The following DYNLL1 variants were observed in gnomAD, a reference collection of about 807,000 sequenced individuals.
DYNLL1 encodes the protein dynein light chain 1, cytoplasmic.
DYNLL1 carries 3 observed loss-of-function variants against 10.1 expected under a neutral mutation model. The ratio of observed to expected loss-of-function variants is 0.30; its 90% CI spans 0.14 to 0.77. The LOEUF (loss-of-function observed/expected upper bound fraction) is 0.77. Among genes scored for constraint, DYNLL1 ranks in the 30% least tolerant of loss-of-function variants. DYNLL1 has a pLI of 0.66. For missense variants in DYNLL1, 47 were observed against 111.7 expected (o/e 0.42, Z 2.61); for synonymous variants, 46 against 41.2 (o/e 1.12, Z -0.45).
intron 1 of DYNLL1, among the ~76,000 whole-genome samples, chr12:120,482,574 G>C (rs983937804): frequency 6.6e-6 from 1 of 151,480 alleles, no homozygotes; most frequent in Non-Finnish European, 1.5e-5. Flanking sequence ...CGCCTGCCTC[G>C]GCCTCCCAAA....
At chr12:120,497,996 A>G (rs1767990610) in intron 2 of DYNLL1, 77 bp from the exon 3 acceptor site, 5 of 1,439,392 alleles carry the variant, frequency 3.5e-6, no homozygotes, top group East Asian at 2.4e-5. Context: ...CTGCCCCTAC[A>G]GGCTCTGGCT....
intron 1 of DYNLL1, among the ~76,000 whole-genome samples, chr12:120,483,215 G>A (rs987600466): frequency 6.6e-6 from 1 of 151,902 alleles, no homozygotes; most frequent in African/African-American, 2.4e-5. Flanking sequence ...GTGCACACCT[G>A]TAACCCCAGC....
chr12:120,474,642 A>G (rs1001003708), intron 1 of DYNLL1, among the ~76,000 whole-genome samples: 2 of 152,216 alleles, frequency 1.3e-5, no homozygotes, highest in Admixed American at 6.5e-5. Context: ...AAACCTGCCC[A>G]TCTGGTTTTC....
chr12:120,495,332 C>CGG (rs1481212434), upstream of DYNLL1: 1 of 152,142 alleles, frequency 6.6e-6, no homozygotes, highest in African/African-American at 2.4e-5. Context: ...ACAAAAACCC[C>CGG]GGGGCTCAAC....
Position 120,496,737 on chromosome 12 carries a change from C to T in DYNLL1, c.132+184C>T, listed in dbSNP as rs1020882430. The T allele has an allele frequency of 5.0e-6, 4 of 801,038 alleles. No individual in the cohort carries two copies. The South Asian group carries it at 5.9e-5, about 12-fold the overall frequency. The allele number at this position is 801,038 out of a possible 1,614,324, so 49.6% of individuals were successfully genotyped here. A position where few individuals can be genotyped will look rare whatever the true frequency, so the allele number is the denominator to read the frequency against. On this transcript the variant is annotated intron_variant, in intron 2 of 2. Transcript: ENST00000242577. ...TGGAGAAGACCAGACCCCCGGCGTC[C>T]GAAGTTTTTTTTTTTTTTTTTTTAA...
intron 1 of DYNLL1, among the ~76,000 whole-genome samples, chr12:120,481,585 T>G (rs1878879838): frequency 6.6e-6 from 1 of 152,244 alleles, no homozygotes. Flanking sequence ...GGGCAAGGCA[T>G]GGGGCGGGGC....
intron 1 of DYNLL1, among the ~76,000 whole-genome samples, chr12:120,487,603 A>G (rs889522748): frequency 5.9e-5 from 9 of 152,138 alleles, no homozygotes; most frequent in Non-Finnish European, 1.3e-4. Context: ...CGGAAGAAAG[A>G]CAGCACTTGA....
chr12:120,479,449 C>CAAAAAAAAAAAAAAAAAAAAAAA (rs71076617), intron 1 of DYNLL1, among the ~76,000 whole-genome samples: 1 of 76,114 alleles, frequency 1.3e-5, no homozygotes, highest in Non-Finnish European at 2.6e-5. Context: ...ACTCCGTCTC[C>CAAAAAAAAAAAAAAAAAAAAAAA]AAAAAAAAAA....
intron 1 of DYNLL1, among the ~76,000 whole-genome samples, chr12:120,485,242 T>C (rs1219417722): frequency 1.4e-5 from 2 of 146,166 alleles, no homozygotes; most frequent in Non-Finnish European, 3.0e-5. Context: ...ATAGTTATGT[T>C]GTAGAAGGCT....
chr12:120,487,744 T>C (rs1186936574), intron 1 of DYNLL1, among the ~76,000 whole-genome samples: 1 of 152,126 alleles, frequency 6.6e-6, no homozygotes, highest in Non-Finnish European at 1.5e-5. Context: ...CAGATGTCCG[T>C]TATCTAGGTT....
At chr12:120,471,518 G>A (rs551883543) in intron 1 of DYNLL1, among the ~76,000 whole-genome samples, 7 of 152,142 alleles carry the variant, frequency 4.6e-5, no homozygotes, top group Non-Finnish European at 8.8e-5. Context: ...ATACTACTGA[G>A]TGTATATCTT....
intron 1 of DYNLL1, among the ~76,000 whole-genome samples, chr12:120,473,833 A>G (rs1458149278): frequency 6.6e-6 from 1 of 152,000 alleles, no homozygotes; most frequent in Admixed American, 6.6e-5. Flanking sequence ...TACAGGCATT[A>G]GCCACGGCAC....
intron 1 of DYNLL1, among the ~76,000 whole-genome samples, chr12:120,480,077 G>C (rs957369527): frequency 1.3e-5 from 2 of 152,148 alleles, no homozygotes; most frequent in Non-Finnish European, 2.9e-5. Context: ...TTGTTTGGAA[G>C]ACAGAAGGAC....
intron 1 of DYNLL1, among the ~76,000 whole-genome samples, chr12:120,481,005 C>T (rs891942541): frequency 2.6e-5 from 4 of 152,088 alleles, no homozygotes; most frequent in East Asian, 3.9e-4. Flanking sequence ...GTGATCTGCC[C>T]ACCTTGGCCT....
At chr12:120,478,215 C>G (rs907811110) in intron 1 of DYNLL1, among the ~76,000 whole-genome samples, 9 of 151,892 alleles carry the variant, frequency 5.9e-5, no homozygotes, top group Non-Finnish European at 1.0e-4. Flanking sequence ...TCAAGTGATT[C>G]TCCTGCCTCG....
upstream of DYNLL1, chr12:120,495,258 C>T (rs1275643990): frequency 6.6e-6 from 1 of 151,964 alleles, no homozygotes; most frequent in African/African-American, 2.4e-5. Context: ...AGAGATAAAT[C>T]CCAACCAAGA....
At chr12:120,472,939 G>C (rs1036758351) in intron 1 of DYNLL1, among the ~76,000 whole-genome samples, 9 of 152,094 alleles carry the variant, frequency 5.9e-5, no homozygotes, top group African/African-American at 2.2e-4. Context: ...GGGTTCATAG[G>C]TTCCATTCTC....
At chr12:120,488,712 G>A (rs1044910689) in intron 1 of DYNLL1, 2 of 152,190 alleles carry the variant, frequency 1.3e-5, no homozygotes, top group African/African-American at 4.8e-5. Flanking sequence ...GGGAGTTCAA[G>A]GCCAGCCTGA....
At chr12:120,477,485 T>C (rs1878780445) in intron 1 of DYNLL1, among the ~76,000 whole-genome samples, 1 of 151,992 alleles carries the variant, frequency 6.6e-6, no homozygotes. Flanking sequence ...GCAATTACAG[T>C]CAGGCGTGGT....
Sources: allele counts gnomAD v4.1 joint callset (sites outside exome capture counted in the v4.1 genomes callset), GRCh38; gene constraint gnomAD v4.1.1; transcripts MANE v1.5; gene names NCBI Gene and HGNC (gene_info 2026-07-23, HGNC 2026-07-21).